The following COL5A2 variants were observed in gnomAD, a reference collection of about 807,000 sequenced individuals.
The protein encoded by COL5A2 is collagen type V alpha 2 chain.
In COL5A2, 23 loss-of-function variants were observed where a neutral mutation model predicts 208.2. The observed-to-expected ratio is 0.11, with a 90% CI of 0.08 to 0.16. The LOEUF (loss-of-function observed/expected upper bound fraction) is 0.16, where lower values mean the gene tolerates loss of function less well. Ranked by LOEUF, COL5A2 falls within the 10% of genes least tolerant of loss-of-function variation. The pLI is 1.00. For synonymous variants in COL5A2, 625 were observed against 628.5 expected (o/e 0.99, Z 0.08); for missense variants, 1,590 against 1,956.4 (o/e 0.81, Z 3.53).
the COL5A2 span, among the ~76,000 whole-genome samples, chr2:189,241,006 G>A: frequency 4.3e-3 from 654 of 152,102 alleles, 1 homozygote; most frequent in Middle Eastern, 0.01. Flanking sequence ...ATCTAATCAC[G>A]TATTATTTTA....
At chr2:189,311,780 C>G in the COL5A2 span, 6 of 852,280 alleles carry the variant, frequency 7.0e-6, no homozygotes, top group South Asian at 5.3e-5. Flanking sequence ...CAAGCCAGCT[C>G]ATCACATTGG....
At chr2:189,051,830 A>G (rs1685795863) in intron 41 of COL5A2, among the ~76,000 whole-genome samples, 2 of 152,234 alleles carry the variant, frequency 1.3e-5, no homozygotes, top group Admixed American at 6.5e-5. Flanking sequence ...TTATGATTTG[A>G]TCTTATAATG....
the COL5A2 span, among the ~76,000 whole-genome samples, chr2:189,320,168 T>C: frequency 6.6e-6 from 1 of 152,144 alleles, no homozygotes; most frequent in Admixed American, 6.5e-5. Flanking sequence ...CATCTGTACG[T>C]CACCATCATC....
chr2:189,246,385 T>G, the COL5A2 span, among the ~76,000 whole-genome samples: 1 of 152,150 alleles, frequency 6.6e-6, no homozygotes, highest in Non-Finnish European at 1.5e-5. Context: ...TTTGGGACAT[T>G]ATACTTCTGG....
At chr2:189,183,700 T>C (rs573938062), upstream of COL5A2, among the ~76,000 whole-genome samples, 15 of 152,324 alleles carry the variant, frequency 9.8e-5, no homozygotes, top group South Asian at 2.1e-4. Flanking sequence ...CTTGATTTTG[T>C]TATGCATTCT....
Position 189,110,378 on chromosome 2 carries a change from C to A in COL5A2, c.169G>T (p.Ala57Ser). ...MYLNRDIWKPAPCQICVCDNG... is the reference protein window; with the variant it reads ...MYLNRDIWKPSPCQICVCDNG... ...TCACAGACACAGATCTGACAAGGGG[C>A]AGGTTTCCAAATGTCCCTGTTTAAG... The change falls in exon 2 of 54, where the codon GCC (alanine) becomes TCC (serine). Residue 57 changes from alanine (A) to serine (S), a missense_variant. Transcript: ENST00000374866. 1 of 1,614,156 alleles carries A rather than the reference C, an allele frequency of 6.2e-7. No individual in the cohort carries two copies. The highest frequency in any genetic ancestry group is 1.3e-5 in the African/African-American group (1 of 75,034).
At chr2:189,334,773 C>G in the COL5A2 span, among the ~76,000 whole-genome samples, 5 of 151,866 alleles carry the variant, frequency 3.3e-5, no homozygotes, top group African/African-American at 9.7e-5. Context: ...AAAGCCAAAG[C>G]AATGTTAAAA....
intron 2 of COL5A2, among the ~76,000 whole-genome samples, chr2:189,108,125 A>T (rs1215838112): frequency 6.6e-6 from 1 of 151,670 alleles, no homozygotes; most frequent in East Asian, 1.9e-4. Flanking sequence ...ATGTTTTATA[A>T]TTATTTCTGC....
chr2:189,188,146 A>C (rs1315467074), intron 1 of COL5A2, among the ~76,000 whole-genome samples: 1 of 152,086 alleles, frequency 6.6e-6, no homozygotes, highest in Non-Finnish European at 1.5e-5. Context: ...TTAGGTGTAC[A>C]GTTCTTTAAG....
rs771510020 is a variant in COL5A2 at position 189,110,492 on chromosome 2, T to C, written c.98-43A>G. 4.5e-6 allele frequency: 7 copies of C among 1,567,748 alleles called. No individual in the cohort carries two copies. In the Admixed American group the frequency reaches 5.1e-5, roughly 11 times the overall value. On this transcript the variant is annotated intron_variant, in intron 1 of 53. Transcript: ENST00000374866. The stretch of plus-strand genomic sequence containing the variant: ...AGAAGAGGTTAGTAATCTGAAATTA[T>C]AGAATTGAGAAAATAAAAGGTGAGC...
At chr2:189,397,071 T>C in the COL5A2 span, among the ~76,000 whole-genome samples, 2 of 151,530 alleles carry the variant, frequency 1.3e-5, no homozygotes, top group African/African-American at 4.9e-5. Flanking sequence ...CCCAGATTCA[T>C]AGTTTCATAG....
chr2:189,395,868 T>C, the COL5A2 span, among the ~76,000 whole-genome samples: 2 of 116,448 alleles, frequency 1.7e-5, no homozygotes, highest in Non-Finnish European at 3.2e-5. Context: ...GCTAAGATGG[T>C]GCCACTGCAC....
At chr2:189,084,145 G>A in intron 11 of COL5A2, 108 bp from the exon 12 acceptor site, 1 of 807,746 alleles carries the variant, frequency 1.2e-6, no homozygotes, top group Non-Finnish European at 2.1e-6. Context: ...TCTTTAGAAA[G>A]CTAATGTACA....
the COL5A2 span, among the ~76,000 whole-genome samples, chr2:189,413,126 T>C: frequency 2.0e-5 from 3 of 151,878 alleles, no homozygotes; most frequent in African/African-American, 7.3e-5. Flanking sequence ...ACAAAGAAAA[T>C]AGATTAGAAA....
intron 2 of COL5A2, among the ~76,000 whole-genome samples, chr2:189,106,345 A>C (rs1402590130): frequency 4.0e-5 from 6 of 151,402 alleles, no homozygotes; most frequent in African/African-American, 1.4e-4. Context: ...AGTTATCCTT[A>C]AGTGTCTGTT....
intron 1 of COL5A2, among the ~76,000 whole-genome samples, chr2:189,140,081 A>T (rs1214344434): frequency 6.6e-6 from 1 of 152,160 alleles, no homozygotes; most frequent in East Asian, 1.9e-4. Flanking sequence ...TCAAAAAAAT[A>T]AAAAAATAAA....
intron 45 of COL5A2, among the ~76,000 whole-genome samples, chr2:189,046,686 CTG>C (rs1005293328): frequency 6.6e-6 from 1 of 151,914 alleles, no homozygotes; most frequent in Non-Finnish European, 1.5e-5. Flanking sequence ...TTGAGTCAGA[CTG>C]TATTTTCTGA....
chr2:189,376,501 A>G, the COL5A2 span, among the ~76,000 whole-genome samples: 4 of 152,328 alleles, frequency 2.6e-5, no homozygotes, highest in Admixed American at 6.5e-5. Flanking sequence ...TGTGGCTTCA[A>G]TTACAATTGC....
chr2:189,405,544 T>C, the COL5A2 span, among the ~76,000 whole-genome samples: 620 of 152,322 alleles, frequency 4.1e-3, 7 homozygotes, highest in African/African-American at 0.014. Context: ...TAAATTACCT[T>C]TTAACAAGTT....
Sources: gnomAD v4.1 joint callset for allele counts (sites outside exome capture counted in the v4.1 genomes callset) on GRCh38, gnomAD v4.1.1 for gene constraint, MANE v1.5 for transcripts, NCBI Gene and HGNC (gene_info 2026-07-23, HGNC 2026-07-21) for gene names.